NTRK3: variants seen among roughly 807,000 people sequenced by gnomAD.
NTRK3 encodes the protein NT-3 growth factor receptor.
Under a neutral mutation model 91.7 loss-of-function variants are expected in NTRK3, and 24 were observed. The observed-to-expected ratio is 0.26, with a 90% CI of 0.19 to 0.37. NTRK3 has a LOEUF of 0.37. NTRK3 is among the 10% of genes least tolerant of loss of function. NTRK3 has a pLI of 1.00. For missense variants in NTRK3, 880 were observed against 1,068.9 expected (o/e 0.82, Z 2.46); for synonymous variants, 483 against 404.0 (o/e 1.20, Z -2.34).
At chr15:87,979,517 C>G in intron 14 of NTRK3, 1 of 1,213,258 alleles carries the variant, frequency 8.2e-7, no homozygotes, top group Non-Finnish European at 1.2e-6. Context: ...AAGTAAAAAC[C>G]AAAACCCCCA....
chr15:88,238,539 C>T, intron 3 of NTRK3, among the ~76,000 whole-genome samples: 1 of 152,164 alleles, frequency 6.6e-6, no homozygotes, highest in Non-Finnish European at 1.5e-5. Context: ...TCCCTAGAGG[C>T]CAAGACTGTC....
intron 6 of NTRK3, among the ~76,000 whole-genome samples, chr15:88,140,911 A>G (rs1014161760): frequency 1.3e-5 from 2 of 152,226 alleles, no homozygotes; most frequent in Non-Finnish European, 2.9e-5. Flanking sequence ...ATCACAAGGA[A>G]GGCAAAATGG....
At chr15:87,876,162 C>T in exon 19 of NTRK3, 1 of 233,284 alleles carries the variant, frequency 4.3e-6, no homozygotes. Flanking sequence ...CTTTGCAACT[C>T]CAGCAAGAAG....
chr15:88,086,896 G>A (rs1220611829), intron 13 of NTRK3, among the ~76,000 whole-genome samples: 1 of 152,174 alleles, frequency 6.6e-6, no homozygotes, highest in East Asian at 1.9e-4. Flanking sequence ...TTTTCAGTGG[G>A]CCAAGCCTAA....
At chr15:88,041,948 A>C (rs2079667995) in intron 13 of NTRK3, among the ~76,000 whole-genome samples, 2 of 151,964 alleles carry the variant, frequency 1.3e-5, no homozygotes, top group South Asian at 4.2e-4. Context: ...TGTTCCACAG[A>C]GTCAGATCAT....
At chr15:87,972,034 C>A (rs900863134) in intron 14 of NTRK3, among the ~76,000 whole-genome samples, 3 of 152,174 alleles carry the variant, frequency 2.0e-5, no homozygotes, top group Admixed American at 1.3e-4. Context: ...AGAGGTATCA[C>A]CAGGCCATAT....
intron 3 of NTRK3, among the ~76,000 whole-genome samples, chr15:88,204,644 G>A (rs1357561385): frequency 6.6e-6 from 1 of 152,158 alleles, no homozygotes; most frequent in Non-Finnish European, 1.5e-5. Context: ...CACCCTAGGA[G>A]GTGTTAAAAA....
chr15:88,256,168 T>C (rs1341657300), exon 3 of NTRK3: 2 of 1,466,540 alleles, frequency 1.4e-6, no homozygotes, highest in Non-Finnish European at 1.8e-6. Flanking sequence ...GATCGCTGCT[T>C]CTAAAAAAGA....
chr15:88,213,573 C>T (rs900232264), intron 3 of NTRK3, among the ~76,000 whole-genome samples: 4 of 152,264 alleles, frequency 2.6e-5, no homozygotes, highest in East Asian at 1.9e-4. Context: ...GGTTCAGAAG[C>T]GGGAGTGTAG....
chr15:87,891,151 T>C (rs1350465940), intron 17 of NTRK3, among the ~76,000 whole-genome samples: 2 of 152,170 alleles, frequency 1.3e-5, no homozygotes, highest in Admixed American at 6.5e-5. Flanking sequence ...AGTTCAAATA[T>C]TATTACTAAT....
chr15:87,983,894 A>G (rs2074507019), intron 14 of NTRK3, among the ~76,000 whole-genome samples: 1 of 152,158 alleles, frequency 6.6e-6, no homozygotes, highest in Non-Finnish European at 1.5e-5. Flanking sequence ...GAAGGTAAGC[A>G]GCACCATACC....
rs576170883 is a variant in NTRK3 at position 87,879,964 on chromosome 15, T to C, written c.2292+306A>G. Among the ~76,000 whole-genome samples the C allele has an allele frequency of 2.6e-5, 4 of 152,304 alleles. No homozygotes were observed. In the South Asian group the frequency reaches 6.2e-4, roughly 24 times the overall value. ...ATGGCACAATTGAAAAACTCATAGCTGTTCTGTTTTCCTTTTTTGTCATAG... is the reference window on the plus strand; with the variant it reads ...ATGGCACAATTGAAAAACTCATAGCCGTTCTGTTTTCCTTTTTTGTCATAG... On this transcript the variant is annotated intron_variant, in intron 18 of 18. Coordinates refer to ENST00000394480, the Ensembl canonical transcript of NTRK3.
intron 5 of NTRK3, among the ~76,000 whole-genome samples, chr15:88,165,398 C>T (rs967017341): frequency 6.6e-6 from 1 of 152,160 alleles, no homozygotes; most frequent in Non-Finnish European, 1.5e-5. Context: ...CTTAGACCTG[C>T]ACTACTGCTA....
intron 13 of NTRK3, among the ~76,000 whole-genome samples, chr15:88,067,177 G>C (rs1254998384): frequency 6.6e-6 from 1 of 152,090 alleles, no homozygotes; most frequent in Non-Finnish European, 1.5e-5. Flanking sequence ...TGGTGCTGAG[G>C]GCTCAGTCCC....
chr15:88,109,048 A>G (rs1402294794), intron 13 of NTRK3, among the ~76,000 whole-genome samples: 2 of 152,188 alleles, frequency 1.3e-5, no homozygotes, highest in Non-Finnish European at 2.9e-5. Context: ...CAATAACAAA[A>G]CAACAACAAT....
rs201222990 is a variant in NTRK3, at chr15:88,184,239, G to A, written c.309C>T (p.Thr103=). 8.1e-5 allele frequency: 131 copies of A among 1,614,104 alleles called. 1 individual carries two copies. In the Admixed American group the frequency reaches 9.3e-4, roughly 11 times the overall value. ...GGTGTACTCACAGCTTTTGAAGTCC[G>A]GTGTAGAGCTCCATGTCCACGGCGT... The change falls in exon 4 of 19, where the codon ACC becomes ACT. Residue 103 remains threonine (T), a synonymous_variant. Coordinates refer to ENST00000394480, the Ensembl canonical transcript of NTRK3.
intron 14 of NTRK3, among the ~76,000 whole-genome samples, chr15:87,995,185 C>A (rs1010506552): frequency 3.3e-5 from 5 of 152,162 alleles, no homozygotes; most frequent in African/African-American, 1.2e-4. Flanking sequence ...CCAGAGAGCA[C>A]CTGCTCAGGT....
At chr15:88,256,577 G>A (rs2054076977) in intron 1 of NTRK3, 67 bp downstream of exon 1, 1 of 491,892 alleles carries the variant, frequency 2.0e-6, no homozygotes, top group Non-Finnish European at 3.5e-6. Context: ...CACCTACTGG[G>A]CAGAATTAAA....
chr15:87,928,861 G>A, intron 17 of NTRK3: 1 of 513,934 alleles, frequency 1.9e-6, no homozygotes, highest in Non-Finnish European at 3.5e-6. Context: ...GTCTGTGTGT[G>A]TGTTTGGGCA....
Sources: allele counts gnomAD v4.1 joint callset (sites outside exome capture counted in the v4.1 genomes callset), GRCh38; gene constraint gnomAD v4.1.1; transcripts MANE v1.5; gene names NCBI Gene and HGNC (gene_info 2026-07-23, HGNC 2026-07-21).